GLB1L3: variants seen among roughly 807,000 people sequenced by gnomAD.
GLB1L3 encodes galactosidase beta 1 like 3, also known as beta-galactosidase-1-like protein 3.
In GLB1L3, 89 loss-of-function variants were observed where a neutral mutation model predicts 89.5. The observed-to-expected ratio is 0.99, with a 90% CI of 0.84 to 1.19. GLB1L3 has a LOEUF of 1.19. GLB1L3 is among the 50% of genes most tolerant of loss of function. The probability of loss-of-function intolerance (pLI) is 0.00; values close to 1 mark genes in which losing one functional copy is unlikely to be tolerated. For missense variants in GLB1L3, 812 were observed against 813.3 expected, an observed-to-expected ratio of 1.00 and a Z score of 0.02; for synonymous variants, 314 against 312.3, an observed-to-expected ratio of 1.01 and a Z score of -0.06.
chr11:134,323,635 G>C (rs1027086528), downstream of GLB1L3, among the ~76,000 whole-genome samples: 2 of 152,076 alleles, frequency 1.3e-5, no homozygotes, highest in African/African-American at 4.8e-5. Context: ...TCCACAGAAA[G>C]GTGGTAGTGT....
Position 134,318,671 on chromosome 11 carries a change from T to G in GLB1L3, c.1820T>G (p.Leu607Arg), listed in dbSNP as rs756231846. The change falls in exon 19 of 20, where the codon CTT (leucine) becomes CGT (arginine). Residue 607 changes from leucine to arginine, a missense_variant. This residue lies in a region of GLB1L3 where 618 missense variants were observed against 604.0 expected (regional missense o/e 1.02). Transcript: ENST00000431683. ...YGFVFINGRN[L>R]GRYWNIGPQK... ...TTTGTGTTCATCAATGGACGTAACCTTGGGCGATATTGGAATATTGGGCCT... is the reference window on the plus strand; with the variant it reads ...TTTGTGTTCATCAATGGACGTAACCGTGGGCGATATTGGAATATTGGGCCT... 1 of 1,612,788 alleles carries G rather than the reference T, an allele frequency of 6.2e-7. No individual in the cohort carries two copies. The highest frequency in any genetic ancestry group is 1.1e-5 in the South Asian group (1 of 90,794).
At chr11:134,297,990 T>G (rs1941747212) in intron 9 of GLB1L3, among the ~76,000 whole-genome samples, 1 of 151,798 alleles carries the variant, frequency 6.6e-6, no homozygotes, top group Non-Finnish European at 1.5e-5. Context: ...TCTTCTTAAT[T>G]CCCCACTCTA....
chr11:134,288,813 C>G lies in GLB1L3; in HGVS notation c.652C>G (p.Pro218Ala). Residue 218 changes from proline (P) to alanine (A), a missense_variant, in exon 7 of 20, where the codon CCT becomes GCT. By Grantham distance (27) the Pro-to-Ala change is conservative. Transcript: ENST00000431683. ...TGTTTCTCAGTACCGCCAGGCAGGC[C>G]CTGTCATCGCGGTGCAAGTGGAGAA... is the stretch of plus-strand genomic sequence containing the variant. ...VIPLQYRQAG[P>A]VIAVQVENEY... 4 of 1,613,140 alleles carry G rather than the reference C, an allele frequency of 2.5e-6. No homozygotes were observed. The highest frequency in any genetic ancestry group is 3.4e-6 in the Non-Finnish European group (4 of 1,179,476).
chr11:134,319,970 A>G (rs753480839), downstream of GLB1L3, among the ~76,000 whole-genome samples: 54 of 152,248 alleles, frequency 3.5e-4, no homozygotes, highest in Middle Eastern at 3.4e-3. Flanking sequence ...CTATCTGGCT[A>G]TAGTCAAGGC....
chr11:134,283,917 T>G, intron 6 of GLB1L3, 72 bp downstream of exon 6: 1 of 850,034 alleles, frequency 1.2e-6, no homozygotes, highest in Non-Finnish European at 2.0e-6. Flanking sequence ...GCTTGATCAC[T>G]GAAGAGGCCA....
At chr11:134,292,894 C>G in intron 8 of GLB1L3, 1 of 566,626 alleles carries the variant, frequency 1.8e-6, no homozygotes, top group Non-Finnish European at 3.1e-6. Context: ...GTCAGGGAGC[C>G]TTGGCCTGGC....
At chr11:134,311,417 G>A (rs576096840) in intron 13 of GLB1L3, 13 of 475,786 alleles carry the variant, frequency 2.7e-5, no homozygotes, top group African/African-American at 1.4e-4. Flanking sequence ...AGATGAACCT[G>A]TCTGGAGATG....
chr11:134,280,257 A>G (rs1233487234), intron 3 of GLB1L3, among the ~76,000 whole-genome samples: 1 of 151,896 alleles, frequency 6.6e-6, no homozygotes, highest in Non-Finnish European at 1.5e-5. Context: ...GGACTATGTG[A>G]TATAGGTTTT....
downstream of GLB1L3, among the ~76,000 whole-genome samples, chr11:134,323,844 C>G (rs1342947171): frequency 6.6e-6 from 1 of 152,066 alleles, no homozygotes; most frequent in African/African-American, 2.4e-5. Flanking sequence ...TGCTATTCAA[C>G]CTTTCTGAAC....
chr11:134,280,317 C>T (rs1421266400), intron 3 of GLB1L3, among the ~76,000 whole-genome samples: 1 of 152,086 alleles, frequency 6.6e-6, no homozygotes, highest in Non-Finnish European at 1.5e-5. Context: ...CAATATTTTA[C>T]AACTGTTTCA....
At chr11:134,276,927 G>A (rs1940397206) in intron 1 of GLB1L3, among the ~76,000 whole-genome samples, 164 bp downstream of exon 1, 1 of 152,158 alleles carries the variant, frequency 6.6e-6, no homozygotes, top group South Asian at 2.1e-4. Flanking sequence ...CAGATCCCCT[G>A]GCTACCCCCA....
At chr11:134,308,585 AT>A in intron 10 of GLB1L3, among the ~76,000 whole-genome samples, 1 of 145,852 alleles carries the variant, frequency 6.9e-6, no homozygotes, top group Non-Finnish European at 1.5e-5. Context: ...CACCATCACC[AT>A]CATCACCATC....
In GLB1L3 at chr11:134,277,437, T is replaced by G; in HGVS notation, c.135T>G (p.His45Gln). The part of the protein sequence containing the change: ...QEENFMLGRA[H>Q]PSQPRFNWSH... ...AGAACTTCATGCTTGGAAGAGCGCA[T>G]CCGTCCCAGCCTAGGTTTGCTTGAG... Residue 45 changes from histidine to glutamine, a missense_variant, in exon 2 of 20, where the codon CAT becomes CAG. His to Gln is a conservative substitution (Grantham distance 24, BLOSUM62 0). This residue lies in a region of GLB1L3 where 191 missense variants were observed against 191.4 expected (regional missense o/e 1.00). Coordinates refer to ENST00000431683, the MANE Select transcript of GLB1L3 (RefSeq NM_001080407.3). The G allele has an allele frequency of 6.2e-7, 1 of 1,613,338 alleles. No homozygotes were observed. Among genetic ancestry groups the G allele is most frequent in the Non-Finnish European group, 8.5e-7 (1 of 1,179,500 alleles).
intron 6 of GLB1L3, among the ~76,000 whole-genome samples, chr11:134,286,084 T>C (rs1326157446): frequency 6.6e-6 from 1 of 152,064 alleles, no homozygotes; most frequent in South Asian, 2.1e-4. Flanking sequence ...AATTTTTGTA[T>C]TTTTAGTAGA....
At chr11:134,317,527 G>A (rs1943036373) in intron 18 of GLB1L3, among the ~76,000 whole-genome samples, 1 of 152,032 alleles carries the variant, frequency 6.6e-6, no homozygotes, top group Non-Finnish European at 1.5e-5. Flanking sequence ...TTTTTTATCA[G>A]TTTCTTTCTT....
chr11:134,300,848 C>G (rs555123216), intron 9 of GLB1L3, among the ~76,000 whole-genome samples: 1 of 152,328 alleles, frequency 6.6e-6, no homozygotes, highest in African/African-American at 2.4e-5. Context: ...CTAATTACCT[C>G]TTTAAAGGCT....
chr11:134,277,464 G>A lies in GLB1L3; in HGVS notation c.149+13G>A, dbSNP rs1348756540. On this transcript the variant is annotated intron_variant, in intron 2 of 19. Coordinates refer to ENST00000431683, the MANE Select transcript of GLB1L3 (RefSeq NM_001080407.3). ...CGTCCCAGCCTAGGTTTGCTTGAGA[G>A]CTACATCCCTGGGGAGGGAGGGGAG... The A allele has an allele frequency of 1.9e-6, 3 of 1,609,770 alleles. No individual in the cohort carries two copies. In the South Asian group the frequency reaches 3.3e-5, roughly 18 times the overall value.
At chr11:134,318,590 T>C (rs781352315) in intron 18 of GLB1L3, 41 bp from the exon 19 acceptor site, 14 of 1,290,992 alleles carry the variant, frequency 1.1e-5, no homozygotes, top group African/African-American at 1.4e-5. Context: ...ACCTTGCTAA[T>C]GTGAACCAAT....
chr11:134,295,367 T>G (rs967989771), intron 9 of GLB1L3, among the ~76,000 whole-genome samples: 1 of 152,218 alleles, frequency 6.6e-6, no homozygotes, highest in Non-Finnish European at 1.5e-5. Context: ...TTCTACTCAT[T>G]TTATTCTATT....
Sources: gnomAD v4.1 joint callset for allele counts (sites outside exome capture counted in the v4.1 genomes callset) on GRCh38, gnomAD v4.1.1 for gene constraint, gnomAD v4.1.1 regional missense constraint, MANE v1.5 for transcripts, NCBI Gene and HGNC (gene_info 2026-07-23, HGNC 2026-07-21) for gene names.